The following NUTM1 variants were observed in gnomAD, a reference collection of about 807,000 sequenced individuals.
The protein encoded by NUTM1 is NUT midline carcinoma family member 1, also known as NUT family member 1.
In NUTM1, 39 loss-of-function variants were observed where a neutral mutation model predicts 88.7. The ratio of observed to expected loss-of-function variants is 0.44; its 90% confidence interval spans 0.34 to 0.57. The LOEUF (loss-of-function observed/expected upper bound fraction) is 0.57. Among genes scored for constraint, NUTM1 ranks in the 20% least tolerant of loss-of-function variants. The pLI is 0.01. For missense variants in NUTM1, 1,350 were observed against 1,414.5 expected, an observed-to-expected ratio of 0.95 and a Z score of 0.73; for synonymous variants, 494 against 538.0, an observed-to-expected ratio of 0.92 and a Z score of 1.13.
Position 34,357,574 on chromosome 15 carries a change from A to G in NUTM1, c.*83A>G, listed in dbSNP as rs773192383. The G allele has an allele frequency of 1.1e-5, 18 of 1,604,180 alleles. No homozygotes were observed. Among genetic ancestry groups the G allele is most frequent in the Middle Eastern group, 1.6e-4 (1 of 6,080 alleles). ...TAGATTCCACCCCTGCTGCCCACCA[A>G]TGGAGAATCCCAATGTTGAATCTCA... On this transcript the variant is annotated 3_prime_UTR_variant, in exon 8 of 8. Coordinates refer to ENST00000537011, the MANE Select transcript of NUTM1 (RefSeq NM_001284292.2).
chr15:34,353,928 A>ACTGG (rs1173652305), intron 5 of NUTM1, 56 bp downstream of exon 5: 2 of 1,587,454 alleles, frequency 1.3e-6, no homozygotes. Context: ...AGGGATGCAT[A>ACTGG]CAGAAGCCAG....
chr15:34,354,014 C>A (rs1890754036), intron 5 of NUTM1, 142 bp downstream of exon 5: 2 of 927,666 alleles, frequency 2.2e-6, no homozygotes, highest in African/African-American at 3.3e-5. Flanking sequence ...TCCAAACAGA[C>A]CACCCCATAG....
intron 1 of NUTM1, 108 bp from the exon 2 acceptor site, chr15:34,345,834 C>T: frequency 7.1e-7 from 1 of 1,413,832 alleles, no homozygotes; most frequent in Non-Finnish European, 9.5e-7. Flanking sequence ...CCCCACTTTT[C>T]CCTCTCCCCT....
chr15:34,350,619 C>T (rs1890686409), intron 3 of NUTM1, 85 bp from the exon 4 acceptor site: 1 of 1,499,020 alleles, frequency 6.7e-7, no homozygotes. Context: ...TGATGAGGGG[C>T]AGGGGATGTG....
rs570767900 is a variant in NUTM1 at position 34,355,278 on chromosome 15, A to G, written c.1479+141A>G. The G allele has an allele frequency of 4.3e-5, 32 of 746,472 alleles. No individual in the cohort carries two copies. In the South Asian group the frequency reaches 5.0e-4, roughly 12 times the overall value. The allele number at this position is 746,472 out of a possible 1,614,324, so 46.2% of individuals were successfully genotyped here. ...GTGCAGAACGAGTAGGTAGAGGGCT[A>G]TGGAAACACAGGAAATGAGAATGTA... On this transcript the variant is annotated intron_variant, in intron 7 of 7. Coordinates refer to ENST00000537011, the MANE Select transcript of NUTM1 (RefSeq NM_001284292.2). The surrounding 1 kb of genome is among the most constrained non-coding windows in gnomAD (Gnocchi z 4.3).
intron 4 of NUTM1, 48 bp downstream of exon 4, chr15:34,350,880 G>A: frequency 2.5e-6 from 4 of 1,610,560 alleles, no homozygotes; most frequent in African/African-American, 1.3e-5. Context: ...GTGTGGCTGA[G>A]AGCAGTAAGG....
In NUTM1 at chr15:34,344,265, C is replaced by T. The variant is rs527478221; in HGVS notation, c.6+563C>T. Among the ~76,000 whole-genome samples, 1,455 of 150,888 alleles carry T rather than the reference C, an allele frequency of 9.6e-3. 9 individuals carry two copies. The highest frequency in any genetic ancestry group is 0.016 in the Non-Finnish European group (1,105 of 67,772). ...CGGTGGCTCACGCCTGTAATCCCAG[C>T]ACTTTGGGAGGCTGAGACGGGTGGA... On this transcript the variant is annotated intron_variant, in intron 1 of 7. Coordinates refer to ENST00000537011, the MANE Select transcript of NUTM1 (RefSeq NM_001284292.2).
chr15:34,352,038 C>CGG (rs1890719219), intron 4 of NUTM1, among the ~76,000 whole-genome samples: 2 of 152,006 alleles, frequency 1.3e-5, no homozygotes, highest in Admixed American at 1.3e-4. Flanking sequence ...GGCATGGTGG[C>CGG]GCATGCCTGT....
chr15:34,357,474 C>T lies in NUTM1; in HGVS notation c.3466C>T (p.Arg1156Ter), dbSNP rs61737329. 8.1e-6 allele frequency: 13 copies of T among 1,612,624 alleles called. No individual in the cohort carries two copies. The highest frequency in any genetic ancestry group is 2.2e-5 in the East Asian group (1 of 44,860). Reference sequence around the variant, plus strand: ...TTTTGTCACGGGCAGAAGGAAGAAACGACGTCGTAGCCAGTAGGGAGCAGC... The same window carrying T: ...TTTTGTCACGGGCAGAAGGAAGAAATGACGTCGTAGCCAGTAGGGAGCAGC... ...DSFVTGRRKKRRRSQ is the reference protein window; with the variant it reads ...DSFVTGRRKK Residue 1156 changes from arginine (R) to a stop codon, truncating the protein, a stop_gained, in exon 8 of 8, where the codon CGA (arginine) becomes TGA (stop). Transcript: ENST00000537011. LOFTEE classifies it high-confidence loss of function.
At chr15:34,354,953 C>A in intron 6 of NUTM1, 68 bp from the exon 7 acceptor site, 1 of 1,267,868 alleles carries the variant, frequency 7.9e-7, no homozygotes, top group South Asian at 1.2e-5. Flanking sequence ...TTAGTTTCTT[C>A]TGTAAAGCCC....
In NUTM1 at chr15:34,344,587, G is replaced by C. The variant is rs147758877; in HGVS notation, c.6+885G>C. Among the ~76,000 whole-genome samples the C allele has an allele frequency of 4.0e-3, 601 of 151,936 alleles. 7 individuals carry two copies. The highest frequency in any genetic ancestry group is 0.014 in the African/African-American group (567 of 41,414). On this transcript the variant is annotated intron_variant, in intron 1 of 7. Transcript: ENST00000537011. ...TCTCTGCAAGTATTCACAAGAAACA[G>C]ATGATACTGGTTTCCTCTGGGATAG...
rs1364231141 is a variant in NUTM1 at position 34,356,977 on chromosome 15, A to C, written c.2969A>C (p.Lys990Thr). ...SQESYTTGTP[K>T]ATSSHQGLGS... ...GAGTCTTACACAACTGGGACTCCCA[A>C]AGCAACATCTTCTCACCAGGGCCTT... Residue 990 changes from lysine to threonine, a missense_variant, in exon 8 of 8, where the codon AAA (lysine) becomes ACA (threonine). By Grantham distance (78) the Lys-to-Thr change is moderately conservative. This residue lies in a region of NUTM1 where 730 missense variants were observed against 728.8 expected (regional missense o/e 1.00). Transcript: ENST00000537011. 6.2e-7 allele frequency: 1 copy of C among 1,613,942 alleles called. No individual in the cohort carries two copies. Among genetic ancestry groups the C allele is most frequent in the East Asian group, 2.2e-5 (1 of 44,884 alleles).
rs1890825495 is a variant in NUTM1 at position 34,356,916 on chromosome 15, A to C, written c.2908A>C (p.Lys970Gln). 2 of 1,613,564 alleles carry C rather than the reference A, an allele frequency of 1.2e-6. No homozygotes were observed. Among genetic ancestry groups the C allele is most frequent in the South Asian group, 1.1e-5 (1 of 91,050 alleles). ...GEGRVDPDLSKPKNLAPLQES... is the reference protein window; with the variant it reads ...GEGRVDPDLSQPKNLAPLQES... ...AGGCAGGGTGGATCCTGATCTGTCC[A>C]AGCCTAAAAACCTTGCTCCTTTACA... is the stretch of plus-strand genomic sequence containing the variant. Residue 970 changes from lysine to glutamine, a missense_variant, in exon 8 of 8, where the codon AAG becomes CAG. Physicochemically the swap from Lys to Gln is moderately conservative, Grantham distance 53. Around this residue, in one of 5 missense-constraint regions of NUTM1, gnomAD observed 730 missense variants for 728.8 expected, o/e 1.00. Transcript: ENST00000537011.
rs760192719 is a variant in NUTM1 at position 34,356,348 on chromosome 15, A to G, written c.2340A>G (p.Val780=). The part of the protein sequence containing the change: ...VIESFQVEKC[V]TEYQEGCQGL... ...AGAGCTTCCAAGTTGAGAAGTGTGT[A>G]ACTGAGTATCAGGAAGGCTGCCAGG... The change falls in exon 8 of 8, where the codon GTA becomes GTG. Residue 780 remains valine (V), a synonymous_variant. Transcript: ENST00000537011. 9 of 1,613,794 alleles carry G rather than the reference A, an allele frequency of 5.6e-6. No homozygotes were observed. In the African/African-American group the frequency reaches 1.1e-4, roughly 19 times the overall value.
chr15:34,349,883 G>A (rs535394135), intron 3 of NUTM1, among the ~76,000 whole-genome samples: 3 of 152,328 alleles, frequency 2.0e-5, no homozygotes, highest in South Asian at 4.1e-4. Flanking sequence ...GGCTCTCAAG[G>A]TTTGCATGGG....
rs1191417650 is a variant in NUTM1 at position 34,355,758 on chromosome 15, A to G, written c.1750A>G (p.Thr584Ala). 3.1e-6 allele frequency: 5 copies of G among 1,614,060 alleles called. No individual in the cohort carries two copies. The highest frequency in any genetic ancestry group is 1.7e-6 in the Non-Finnish European group (2 of 1,179,978). The change falls in exon 8 of 8, where the codon ACT becomes GCT. Residue 584 changes from threonine to alanine, a missense_variant. Physicochemically the swap from Thr to Ala is moderately conservative, Grantham distance 58 (BLOSUM62 0). This residue lies in a region of NUTM1 where 730 missense variants were observed against 728.8 expected (regional missense o/e 1.00). Transcript: ENST00000537011. This position sits in a 1 kb window ranked among gnomAD's most constrained non-coding sequence, Gnocchi z 4.3. ...CAGAGGGATGCACAGGGATGGGAAC[A>G]CTCTGCCATCCCCCAGCAGCTGGGA... ...SPRGMHRDGN[T>A]LPSPSSWDLQ...
rs755610371 is a variant in NUTM1 at position 34,356,672 on chromosome 15, C to T, written c.2664C>T (p.Pro888=). Residue 888 remains proline (P), a synonymous_variant, in exon 8 of 8, where the codon CCC becomes CCT. Coordinates refer to ENST00000537011, the MANE Select transcript of NUTM1 (RefSeq NM_001284292.2). ...GGTCTTCCAAAGAAACCCTTCCACCCACATGCCAAGGCAATCTCCTTATCA... is the reference window on the plus strand; with the variant it reads ...GGTCTTCCAAAGAAACCCTTCCACCTACATGCCAAGGCAATCTCCTTATCA... The part of the protein sequence containing the change: ...TLGSSKETLP[P]TCQGNLLIMG... The T allele has an allele frequency of 3.7e-6, 6 of 1,613,640 alleles. No individual in the cohort carries two copies. In the South Asian group the frequency reaches 6.6e-5, roughly 18 times the overall value.
Position 34,355,502 on chromosome 15 carries a change from A to G in NUTM1, c.1494A>G (p.Arg498=), listed in dbSNP as rs61737339. The G allele has an allele frequency of 1.8e-3, 2,890 of 1,614,038 alleles. 57 individuals carry two copies. The African/African-American group carries it at 0.035, about 19-fold the overall frequency. Residue 498 remains arginine, a synonymous_variant, in exon 8 of 8, where the codon CGA becomes CGG. Coordinates refer to ENST00000537011, the MANE Select transcript of NUTM1 (RefSeq NM_001284292.2). The surrounding 1 kb of genome is among the most constrained non-coding windows in gnomAD (Gnocchi z 4.3). ...GLTLAQLVQK[R]LMALEEEEDA... The stretch of plus-strand genomic sequence containing the variant: ...ATTTCTTTCAGCTGGTCCAGAAGCG[A>G]CTCATGGCCTTGGAAGAGGAGGAAG...
Position 34,355,741 on chromosome 15 carries a change from T to G in NUTM1, c.1733T>G (p.Met578Arg), listed in dbSNP as rs1475603914. ...CAAGCCCTAGATAGCCCCAGAGGGA[T>G]GCACAGGGATGGGAACACTCTGCCA... is the stretch of plus-strand genomic sequence containing the variant. ...QEQALDSPRG[M>R]HRDGNTLPSP... The change falls in exon 8 of 8, where the codon ATG (methionine) becomes AGG (arginine). Residue 578 changes from methionine (M) to arginine (R), a missense_variant. Met to Arg is a moderately conservative substitution (Grantham distance 91, BLOSUM62 -1). This residue lies in a region of NUTM1 where 730 missense variants were observed against 728.8 expected (regional missense o/e 1.00). Transcript: ENST00000537011. This position sits in a 1 kb window ranked among gnomAD's most constrained non-coding sequence, Gnocchi z 4.3. The G allele has an allele frequency of 1.2e-6, 2 of 1,614,076 alleles. No homozygotes were observed. The highest frequency in any genetic ancestry group is 1.7e-6 in the Non-Finnish European group (2 of 1,179,992).
Sources: gnomAD v4.1 joint callset for allele counts (sites outside exome capture counted in the v4.1 genomes callset) on GRCh38, gnomAD v4.1.1 for gene constraint, gnomAD v4.1.1 regional missense constraint, Gnocchi (gnomAD v3.1) non-coding constraint, MANE v1.5 for transcripts, NCBI Gene and HGNC (gene_info 2026-07-23, HGNC 2026-07-21) for gene names.